The following UBE3C variants were observed in gnomAD, a reference collection of about 807,000 sequenced individuals.
UBE3C encodes ubiquitin protein ligase E3C.
UBE3C carries 42 observed loss-of-function variants against 129.4 expected under a neutral mutation model. The observed-to-expected ratio is 0.32, with a 90% CI of 0.25 to 0.42. The LOEUF (loss-of-function observed/expected upper bound fraction) is 0.42, where lower values mean the gene tolerates loss of function less well. Among genes scored for constraint, UBE3C ranks in the 10% least tolerant of loss-of-function variants. The pLI, the probability that UBE3C is intolerant of heterozygous loss-of-function variation, is 1.00. For synonymous variants in UBE3C, 510 were observed against 492.4 expected, an observed-to-expected ratio of 1.04 and a Z score of -0.47; for missense variants, 1,049 against 1,319.1, an observed-to-expected ratio of 0.80 and a Z score of 3.17.
At chr7:157,144,614 T>A (rs981830155) in intron 1 of UBE3C, among the ~76,000 whole-genome samples, 1 of 152,150 alleles carries the variant, frequency 6.6e-6, no homozygotes, top group Non-Finnish European at 1.5e-5. Flanking sequence ...GGAACTGAAA[T>A]TTTTTAAGTT....
In UBE3C at chr7:157,267,598, C is replaced by T. The variant is rs2116727311; in HGVS notation, c.3095C>T (p.Ala1032Val). 1 of 1,613,010 alleles carries T rather than the reference C, an allele frequency of 6.2e-7. No individual in the cohort carries two copies. Among genetic ancestry groups the T allele is most frequent in the Non-Finnish European group, 8.5e-7 (1 of 1,179,658 alleles). ...PLLGFKELYP[A>V]FCIHNGGSDL... Reference sequence around the variant, plus strand: ...GCTGTTTTTCAGGAGTTGTATCCCGCATTTTGTATTCACAACGGAGGCTCC... The same window carrying T: ...GCTGTTTTTCAGGAGTTGTATCCCGTATTTTGTATTCACAACGGAGGCTCC... The change falls in exon 23 of 23, where the codon GCA (alanine) becomes GTA (valine). Residue 1032 changes from alanine to valine, a missense_variant. Physicochemically the swap from Ala to Val is moderately conservative, Grantham distance 64. Coordinates refer to ENST00000348165, the MANE Select transcript of UBE3C (RefSeq NM_014671.3).
At position 157,158,609 on chromosome 7, in the gene UBE3C, T is replaced by G. The variant is rs561463432; in HGVS notation, c.67-5201T>G. Reference sequence around the variant, plus strand: ...CTAATGATTTAGCTCATTGTCCATTTTTAGATAGGGACAAATACATTGAGC... The same window carrying G: ...CTAATGATTTAGCTCATTGTCCATTGTTAGATAGGGACAAATACATTGAGC... On this transcript the variant is annotated intron_variant, in intron 1 of 22. Transcript: ENST00000348165. 9.8e-5 allele frequency among the ~76,000 whole-genome samples: 15 copies of G among 152,366 alleles called. No homozygotes were observed. In the South Asian group the frequency reaches 3.1e-3, roughly 32 times the overall value.
At position 157,186,917 on chromosome 7, in the gene UBE3C, C is replaced by T. The variant is rs890080768; in HGVS notation, c.1227C>T (p.Leu409=). 1.2e-6 allele frequency: 2 copies of T among 1,614,038 alleles called. No individual in the cohort carries two copies. Among genetic ancestry groups the T allele is most frequent in the African/African-American group, 2.7e-5 (2 of 74,920 alleles). The change falls in exon 10 of 23, where the codon CTC becomes CTT. Residue 409 remains leucine (L), a synonymous_variant. Coordinates refer to ENST00000348165, the MANE Select transcript of UBE3C (RefSeq NM_014671.3). ...LDTKQQTNTL[L]NLVWRDSASE... is the part of the protein sequence containing the mutation. ...CAAAGCAGCAGACCAACACCCTGCT[C>T]AACCTGGTGTGGAGGGACTCTGCGA...
At chr7:157,146,099 C>T (rs1299951675) in intron 1 of UBE3C, among the ~76,000 whole-genome samples, 1 of 152,164 alleles carries the variant, frequency 6.6e-6, no homozygotes, top group Non-Finnish European at 1.5e-5. Flanking sequence ...GATATAAAAT[C>T]TGTGTCTAGA....
In UBE3C at chr7:157,215,746, T is replaced by A. The variant is rs764066970; in HGVS notation, c.1810-1121T>A. Among the ~76,000 whole-genome samples the A allele has an allele frequency of 7.9e-5, 12 of 152,124 alleles. No individual in the cohort carries two copies. In the Middle Eastern group the frequency reaches 0.014, roughly 172 times the overall value. Reference sequence around the variant, plus strand: ...AGTAGTTATATGATCCAATCCTGGTTGTAGACATTTAAAATGTTGGATTTA... The same window carrying A: ...AGTAGTTATATGATCCAATCCTGGTAGTAGACATTTAAAATGTTGGATTTA... On this transcript the variant is annotated intron_variant, in intron 13 of 22. Coordinates refer to ENST00000348165, the MANE Select transcript of UBE3C (RefSeq NM_014671.3).
intron 1 of UBE3C, 55 bp downstream of exon 1, chr7:157,139,393 CG>C: frequency 9.7e-7 from 1 of 1,029,460 alleles, no homozygotes; most frequent in Admixed American, 2.6e-5. Context: ...GGCCGGGGCT[CG>C]GGGCTGGGAC....
Position 157,220,702 on chromosome 7 carries a change from A to G in UBE3C, c.1928A>G (p.Tyr643Cys), listed in dbSNP as rs914544000. The G allele has an allele frequency of 3.1e-6, 5 of 1,614,026 alleles. No homozygotes were observed. The highest frequency in any genetic ancestry group is 4.2e-6 in the Non-Finnish European group (5 of 1,179,986). The part of the protein sequence containing the change: ...DIKADKVTQL[Y>C]VPASRHVWRF... Reference sequence around the variant, plus strand: ...TGCCCCCGACAGGTCACTCAGCTCTATGTGCCAGCATCCAGACATGTGTGG... The same window carrying G: ...TGCCCCCGACAGGTCACTCAGCTCTGTGTGCCAGCATCCAGACATGTGTGG... Residue 643 changes from tyrosine to cysteine, a missense_variant, in exon 15 of 23, where the codon TAT (tyrosine) becomes TGT (cysteine). Physicochemically the swap from Tyr to Cys is radical, Grantham distance 194. This residue lies in a region of UBE3C where 314 missense variants were observed against 416.9 expected (regional missense o/e 0.75). Transcript: ENST00000348165.
rs1208658643 is a variant in UBE3C at position 157,254,901 on chromosome 7, ATACACCTGCAGTCCCAGCGTGGTGGCG to A, written c.2950+607_2950+633del. Among the ~76,000 whole-genome samples the A allele has an allele frequency of 4.8e-4, 72 of 149,552 alleles. 1 individual carries two copies. The highest frequency in any genetic ancestry group is 9.3e-4 in the Admixed American group (14 of 15,032). ...CTAAAAATTAGCTGGGCGTGGTGGC[ATACACCTGCAGTCCCAGCGTGGTGGCG>A]TACACCTGCAGTCCCGGCGTGGTGG... On this transcript the variant is annotated intron_variant, in intron 21 of 22. Coordinates refer to ENST00000348165, the MANE Select transcript of UBE3C (RefSeq NM_014671.3).
chr7:157,248,349 T>C lies in UBE3C; in HGVS notation c.2482-19T>C, dbSNP rs530716811. The C allele has an allele frequency of 1.1e-5, 17 of 1,607,492 alleles. No homozygotes were observed. The East Asian group carries it at 3.1e-4, about 30-fold the overall frequency. On this transcript the variant is annotated intron_variant, in intron 18 of 22. Coordinates refer to ENST00000348165, the MANE Select transcript of UBE3C (RefSeq NM_014671.3). ...GCTTGTATATTCGATGCTAACGTTG[T>C]CACTGTTCTCTTTTGAAGGCTCTCT...
chr7:157,199,182 A>G (rs1294720204), intron 10 of UBE3C, among the ~76,000 whole-genome samples: 1 of 152,224 alleles, frequency 6.6e-6, no homozygotes, highest in East Asian at 1.9e-4. Context: ...ATTTTTTAAA[A>G]ACTCAATTTC....
chr7:157,156,329 CAG>C lies in UBE3C; in HGVS notation c.67-7478_67-7477del, dbSNP rs1420303933. The stretch of plus-strand genomic sequence containing the variant: ...TTTTTTTTTTTTTTTTTTTTTGAGA[CAG>C]AGTCCTGCTCTGTCACCTGGGCTGG... On this transcript the variant is annotated intron_variant, in intron 1 of 22. Transcript: ENST00000348165. 1.5e-4 allele frequency among the ~76,000 whole-genome samples: 16 copies of C among 110,152 alleles called. 1 individual carries two copies. The highest frequency in any genetic ancestry group is 5.4e-4 in the African/African-American group (15 of 27,654). 72.3% of individuals were successfully genotyped at this position (110,152 alleles called of 152,430 possible). A position where few individuals can be genotyped will look rare whatever the true frequency, so the allele number is the denominator to read the frequency against.
At chr7:157,254,515 A>G (rs564898476) in intron 21 of UBE3C, among the ~76,000 whole-genome samples, 1 of 151,476 alleles carries the variant, frequency 6.6e-6, no homozygotes, top group Non-Finnish European at 1.5e-5. Flanking sequence ...CTCCTGCCTC[A>G]GCCTCCCGAA....
intron 1 of UBE3C, 72 bp downstream of exon 1, chr7:157,139,410 G>C: frequency 2.1e-6 from 3 of 1,421,588 alleles, no homozygotes; most frequent in African/African-American, 1.5e-5. Context: ...GGGACTCGGG[G>C]CTGGACTCGG....
At chr7:157,156,990 A>G (rs184787524) in intron 1 of UBE3C, among the ~76,000 whole-genome samples, 48 of 152,298 alleles carry the variant, frequency 3.2e-4, no homozygotes, top group African/African-American at 9.9e-4. Flanking sequence ...AGTCTTCATC[A>G]TTAGACTTTT....
rs188145571 is a variant in UBE3C at position 157,186,727 on chromosome 7, C to G, written c.1144-107C>G. Reference sequence around the variant, plus strand: ...GATGTAGATAATTTTGAGATGATGCCTAGCTTTCTTTGCCCGAAGAAAAAT... The same window carrying G: ...GATGTAGATAATTTTGAGATGATGCGTAGCTTTCTTTGCCCGAAGAAAAAT... On this transcript the variant is annotated intron_variant, in intron 9 of 22. Coordinates refer to ENST00000348165, the MANE Select transcript of UBE3C (RefSeq NM_014671.3). 18 of 1,312,876 alleles carry G rather than the reference C, an allele frequency of 1.4e-5. 1 individual carries two copies. The South Asian group carries it at 2.3e-4, about 17-fold the overall frequency. 81.3% of individuals were successfully genotyped at this position (1,312,876 alleles called of 1,614,324 possible). A position where few individuals can be genotyped will look rare whatever the true frequency, so the allele number is the denominator to read the frequency against.
At chr7:157,196,924 G>A (rs1809136316) in intron 10 of UBE3C, among the ~76,000 whole-genome samples, 1 of 152,174 alleles carries the variant, frequency 6.6e-6, no homozygotes, top group African/African-American at 2.4e-5. Flanking sequence ...AGCGGAGATA[G>A]CGCCATTGCA....
rs2116768857 is a variant in UBE3C at position 157,139,998 on chromosome 7, C to A, written c.66+660C>A. 3 of 985,382 alleles carry A rather than the reference C, an allele frequency of 3.0e-6. No homozygotes were observed. The African/African-American group carries it at 5.2e-5, about 17-fold the overall frequency. The allele number at this position is 985,382 out of a possible 1,614,324, so 61.0% of individuals were successfully genotyped here. ...ACTCCGGACTTACATCTGTTGTGATCGACATTAAGTTGTTCGCATGGTAAT... is the reference window on the plus strand; with the variant it reads ...ACTCCGGACTTACATCTGTTGTGATAGACATTAAGTTGTTCGCATGGTAAT... On this transcript the variant is annotated intron_variant, in intron 1 of 22. Coordinates refer to ENST00000348165, the MANE Select transcript of UBE3C (RefSeq NM_014671.3).
intron 1 of UBE3C, among the ~76,000 whole-genome samples, chr7:157,154,074 C>T (rs552300218): frequency 1.8e-5 from 2 of 110,426 alleles, no homozygotes; most frequent in East Asian, 5.1e-4. Context: ...AATCCCAGCA[C>T]CTTGGGAGGG....
chr7:157,237,658 A>T (rs1796187126), intron 18 of UBE3C, among the ~76,000 whole-genome samples: 1 of 152,162 alleles, frequency 6.6e-6, no homozygotes, highest in African/African-American at 2.4e-5. Flanking sequence ...TTAATTTGTC[A>T]CCATGAAGAT....
Sources: gnomAD v4.1 joint callset for allele counts (sites outside exome capture counted in the v4.1 genomes callset) on GRCh38, gnomAD v4.1.1 for gene constraint, gnomAD v4.1.1 regional missense constraint, MANE v1.5 for transcripts, NCBI Gene and HGNC (gene_info 2026-07-23, HGNC 2026-07-21) for gene names.